KLF3: variants seen among roughly 807,000 people sequenced by gnomAD.
KLF3 encodes the protein Krueppel-like factor 3.
KLF3 carries 6 observed loss-of-function variants against 32.7 expected under a neutral mutation model. The observed-to-expected ratio is 0.18, with a 90% CI of 0.10 to 0.36. KLF3 has a LOEUF of 0.36. KLF3 is among the 10% of genes least tolerant of loss of function. The pLI, the probability that KLF3 is intolerant of heterozygous loss-of-function variation, is 1.00. For missense variants in KLF3, 338 were observed against 449.7 expected (o/e 0.75, Z 2.25); for synonymous variants, 145 against 172.8 (o/e 0.84, Z 1.26).
At chr4:38,693,063 T>C (rs961968401) in intron 4 of KLF3, among the ~76,000 whole-genome samples, 8 of 142,992 alleles carry the variant, frequency 5.6e-5, no homozygotes, top group Admixed American at 2.2e-4. Context: ...CATATATATA[T>C]ATGTATATAT....
intron 1 of KLF3, among the ~76,000 whole-genome samples, chr4:38,670,807 T>C (rs1258426522): frequency 6.6e-6 from 1 of 152,262 alleles, no homozygotes; most frequent in Non-Finnish European, 1.5e-5. Context: ...GCCCTTAATT[T>C]ATCCTAGCAT....
At chr4:38,684,930 CTTGTCTTTGGACTGCT>C (rs1722647137) in intron 2 of KLF3, among the ~76,000 whole-genome samples, 1 of 152,196 alleles carries the variant, frequency 6.6e-6, no homozygotes, top group African/African-American at 2.4e-5. Flanking sequence ...ATGTCTGTGT[CTTGTCTTTGGACTGCT>C]CTGTTCCAGG....
At chr4:38,692,608 C>A (rs1254503375) in intron 4 of KLF3, among the ~76,000 whole-genome samples, 1 of 152,042 alleles carries the variant, frequency 6.6e-6, no homozygotes, top group African/African-American at 2.4e-5. Context: ...ACAGAGAGGG[C>A]GAGATCTTGG....
rs1015718973 is a variant in KLF3, at chr4:38,698,721, A to C, written c.*1458A>C. The C allele has an allele frequency of 5.9e-5, 9 of 152,346 alleles. No individual in the cohort carries two copies. The East Asian group carries it at 1.7e-3, about 29-fold the overall frequency. The allele number at this position is 152,346 out of a possible 1,614,324, so 9.4% of individuals were successfully genotyped here. A position where few individuals can be genotyped will look rare whatever the true frequency, so the allele number is the denominator to read the frequency against. ...GCACCATTATTGGGGGAAGTTATTCAAAAGCAGGCTTTTGAGCACCATAGT... is the reference window on the plus strand; with the variant it reads ...GCACCATTATTGGGGGAAGTTATTCCAAAGCAGGCTTTTGAGCACCATAGT... On this transcript the variant is annotated 3_prime_UTR_variant, in exon 6 of 6. Transcript: ENST00000261438.
At position 38,700,163 on chromosome 4, in the gene KLF3, T is replaced by C. The variant is rs1048402154; in HGVS notation, c.*2900T>C. 3.9e-5 allele frequency: 6 copies of C among 152,204 alleles called. No homozygotes were observed. Among genetic ancestry groups the C allele is most frequent in the Non-Finnish European group, 8.8e-5 (6 of 68,032 alleles). 9.4% of individuals were successfully genotyped at this position (152,204 alleles called of 1,614,324 possible). On this transcript the variant is annotated 3_prime_UTR_variant, in exon 6 of 6. Coordinates refer to ENST00000261438, the MANE Select transcript of KLF3 (RefSeq NM_016531.6). ...GCATTAACATTCTAAATTGCTTGGT[T>C]TGGAGAATGTGTTAGCAGCATAGCT... is the stretch of plus-strand genomic sequence containing the variant.
At chr4:38,685,924 G>T (rs957198135) in intron 2 of KLF3, among the ~76,000 whole-genome samples, 20 of 152,044 alleles carry the variant, frequency 1.3e-4, no homozygotes, top group African/African-American at 4.8e-4. Flanking sequence ...AATGAACCTT[G>T]TGCCTCTTTT....
At chr4:38,691,329 A>G (rs1004555325) in intron 4 of KLF3, among the ~76,000 whole-genome samples, 1 of 152,254 alleles carries the variant, frequency 6.6e-6, no homozygotes, top group South Asian at 2.1e-4. Context: ...GTGAAAGGAA[A>G]AAATGACTAG....
Position 38,671,812 on chromosome 4 carries a change from C to T in KLF3, c.-40+7351C>T, listed in dbSNP as rs1722206877. Among the ~76,000 whole-genome samples the T allele has an allele frequency of 6.6e-6, 1 of 152,204 alleles. No individual in the cohort carries two copies. The highest frequency in any genetic ancestry group is 1.5e-5 in the Non-Finnish European group (1 of 68,038). ...CAATCACGAAGGTGGTGGTGATTGGCAGGAAACCTGTGACATCACTTAGCC... is the reference window on the plus strand; with the variant it reads ...CAATCACGAAGGTGGTGGTGATTGGTAGGAAACCTGTGACATCACTTAGCC... On this transcript the variant is annotated intron_variant, in intron 1 of 5. Transcript: ENST00000261438. This position sits in a 1 kb window ranked among gnomAD's most constrained non-coding sequence, Gnocchi z 4.4.
At chr4:38,681,763 C>T (rs557888858) in intron 2 of KLF3, among the ~76,000 whole-genome samples, 31 of 152,226 alleles carry the variant, frequency 2.0e-4, no homozygotes, top group African/African-American at 7.0e-4. Flanking sequence ...AAAACTTGGC[C>T]CGAGGTGTGT....
rs1249189204 is a variant in KLF3 at position 38,696,991 on chromosome 4, T to C, written c.857-91T>C. 2.5e-5 allele frequency: 26 copies of C among 1,060,614 alleles called. No homozygotes were observed. In the Admixed American group the frequency reaches 7.1e-4, roughly 29 times the overall value. 65.7% of individuals were successfully genotyped at this position (1,060,614 alleles called of 1,614,324 possible). The stretch of plus-strand genomic sequence containing the variant: ...ATTGAAGAACAAATGTATGAACATA[T>C]CTTGGAAATAATATTTGTCAAGCAT... On this transcript the variant is annotated intron_variant, in intron 5 of 5. Coordinates refer to ENST00000261438, the MANE Select transcript of KLF3 (RefSeq NM_016531.6).
At chr4:38,679,005 G>A (rs1253387939) in intron 1 of KLF3, among the ~76,000 whole-genome samples, 1 of 152,202 alleles carries the variant, frequency 6.6e-6, no homozygotes, top group Non-Finnish European at 1.5e-5. Context: ...GTCCTGTGAA[G>A]AAGCAGTTGG....
chr4:38,692,316 C>T (rs980813467), intron 4 of KLF3, among the ~76,000 whole-genome samples: 1 of 152,118 alleles, frequency 6.6e-6, no homozygotes, highest in Non-Finnish European at 1.5e-5. Context: ...CTAGCCTTGG[C>T]CTGAACCAAC....
chr4:38,697,569 C>T lies in KLF3; in HGVS notation c.*306C>T. On this transcript the variant is annotated 3_prime_UTR_variant, in exon 6 of 6. Coordinates refer to ENST00000261438, the MANE Select transcript of KLF3 (RefSeq NM_016531.6). ...AAGAACAAGGGAACATGTAAACTAA[C>T]ATAACCAATTGTCAGTTCTCCATGT... 3.8e-6 allele frequency: 1 copy of T among 266,214 alleles called. No individual in the cohort carries two copies. The highest frequency in any genetic ancestry group is 7.1e-6 in the Non-Finnish European group (1 of 141,174). The allele number at this position is 266,214 out of a possible 1,614,324, so 16.5% of individuals were successfully genotyped here.
At chr4:38,683,362 G>A (rs1406134003) in intron 2 of KLF3, among the ~76,000 whole-genome samples, 1 of 152,088 alleles carries the variant, frequency 6.6e-6, no homozygotes, top group Non-Finnish European at 1.5e-5. Flanking sequence ...AGAAAGTGAG[G>A]ACATGTCATT....
chr4:38,678,892 C>T (rs190733640), intron 1 of KLF3, among the ~76,000 whole-genome samples: 2 of 152,194 alleles, frequency 1.3e-5, no homozygotes, highest in Admixed American at 6.5e-5. Context: ...CCAAATTTGG[C>T]TAATGAGTGC....
chr4:38,692,697 T>C (rs1263844343), intron 4 of KLF3, among the ~76,000 whole-genome samples: 1 of 151,940 alleles, frequency 6.6e-6, no homozygotes, highest in East Asian at 1.9e-4. Context: ...CCTTTATGTG[T>C]AAAATAAACA....
chr4:38,691,492 C>G (rs1400927908), intron 4 of KLF3, among the ~76,000 whole-genome samples: 2 of 152,176 alleles, frequency 1.3e-5, no homozygotes, highest in African/African-American at 4.8e-5. Context: ...CCAACTGCCT[C>G]CAAGGGAGGG....
chr4:38,672,952 C>T (rs1431606541), intron 1 of KLF3, among the ~76,000 whole-genome samples: 3 of 143,142 alleles, frequency 2.1e-5, no homozygotes, highest in Admixed American at 1.4e-4. Flanking sequence ...CAATGGGAGG[C>T]GGGGAGGGGG....
chr4:38,664,987 T>TCCGCCCGCGCCCC (rs1721976956), intron 1 of KLF3: 1 of 16,558 alleles, frequency 6.0e-5, no homozygotes, highest in Non-Finnish European at 1.2e-4. Context: ...CTCCCCTCCC[T>TCCGCCCGCGCCCC]CCGCCCGCGC....
Sources: gnomAD v4.1 joint callset for allele counts (sites outside exome capture counted in the v4.1 genomes callset) on GRCh38, gnomAD v4.1.1 for gene constraint, Gnocchi (gnomAD v3.1) non-coding constraint, MANE v1.5 for transcripts, NCBI Gene and HGNC (gene_info 2026-07-23, HGNC 2026-07-21) for gene names.